Variants in CCDC93 observed in about 807,000 individuals in gnomAD.
The protein encoded by CCDC93 is coiled-coil domain-containing protein 93.
A neutral mutation model predicts 108.2 loss-of-function variants in CCDC93; 61 were observed. The ratio of observed to expected loss-of-function variants is 0.56; its 90% confidence interval spans 0.46 to 0.70. The LOEUF (loss-of-function observed/expected upper bound fraction) is 0.70. Among genes scored for constraint, CCDC93 ranks in the 30% least tolerant of loss-of-function variants. CCDC93 has a pLI of 0.00. For missense variants in CCDC93, 685 were observed against 764.2 expected (o/e 0.90, Z 1.22); for synonymous variants, 276 against 260.4 (o/e 1.06, Z -0.58).
chr2:117,990,665 G>C (rs1294827485), intron 6 of CCDC93, among the ~76,000 whole-genome samples: 1 of 150,938 alleles, frequency 6.6e-6, no homozygotes, highest in East Asian at 1.9e-4. Flanking sequence ...ACAAACTATA[G>C]TTGAACTAGT....
rs1573471493 is a variant in CCDC93 at position 117,939,028 on chromosome 2, C to A, written c.1605+1G>T. On this transcript the variant is annotated splice_donor_variant, in intron 20 of 23. Coordinates refer to ENST00000376300, the MANE Select transcript of CCDC93 (RefSeq NM_019044.5). LOFTEE classifies it high-confidence loss of function. ...CATTTTCTTTTTATAAATGTTCTTA[C>A]CTCTTTTTCCAAATAAACCTTTTTA... is the stretch of plus-strand genomic sequence containing the variant. The A allele has an allele frequency of 6.5e-7, 1 of 1,536,672 alleles. No individual in the cohort carries two copies.
chr2:117,988,118 A>G (rs1049546411), intron 6 of CCDC93, among the ~76,000 whole-genome samples: 2 of 150,518 alleles, frequency 1.3e-5, no homozygotes, highest in Non-Finnish European at 3.0e-5. Context: ...TATATCAGAT[A>G]TATATATATA....
intron 1 of CCDC93, among the ~76,000 whole-genome samples, chr2:118,013,321 C>G (rs1677070039): frequency 6.6e-6 from 1 of 152,250 alleles, no homozygotes; most frequent in Non-Finnish European, 1.5e-5. Context: ...CCCCGCCACA[C>G]AGCACCCCTG....
At chr2:117,936,339 A>T (rs548075611) in intron 21 of CCDC93, among the ~76,000 whole-genome samples, 1 of 152,350 alleles carries the variant, frequency 6.6e-6, no homozygotes, top group South Asian at 2.1e-4. Context: ...CATGAGATTT[A>T]AAAAATCTAA....
rs951836947 is a variant in CCDC93, at chr2:117,918,314, A to AT, written c.*2028dup. On this transcript the variant is annotated 3_prime_UTR_variant, in exon 24 of 24. Coordinates refer to ENST00000376300, the MANE Select transcript of CCDC93 (RefSeq NM_019044.5). ...GATTTATCCGTAGTAGGCCTTGTCG[A>AT]TAAAAAAAAAAAGGGAATAGAGATC... 9 of 151,998 alleles carry AT rather than the reference A, an allele frequency of 5.9e-5. No homozygotes were observed. The highest frequency in any genetic ancestry group is 5.9e-5 in the Non-Finnish European group (4 of 67,988). The allele number at this position is 151,998 out of a possible 1,614,324, so 9.4% of individuals were successfully genotyped here. A position where few individuals can be genotyped will look rare whatever the true frequency, so the allele number is the denominator to read the frequency against.
In CCDC93 at chr2:117,946,818, T is replaced by A; in HGVS notation, c.1289A>T (p.Asp430Val). ...CTAATTCAGAGCCTTTACCTTTTCA[T>A]CTCCACGTGGTGCTCTCTCAGCTTT... ...NLKAERAPRG[D>V]EKTLSSGEPP... Residue 430 changes from aspartate (D) to valine (V), a missense_variant, in exon 16 of 24, where the codon GAT (aspartate) becomes GTT (valine). Asp to Val is a radical substitution (Grantham distance 152). Coordinates refer to ENST00000376300, the MANE Select transcript of CCDC93 (RefSeq NM_019044.5). 6.2e-7 allele frequency: 1 copy of A among 1,611,868 alleles called. No individual in the cohort carries two copies. The highest frequency in any genetic ancestry group is 8.5e-7 in the Non-Finnish European group (1 of 1,177,860).
At chr2:117,997,269 G>A (rs762328859) in intron 4 of CCDC93, 5 of 152,184 alleles carry the variant, frequency 3.3e-5, no homozygotes, top group Non-Finnish European at 5.9e-5. Flanking sequence ...GTAAAAACCT[G>A]CAGAAGATCC....
intron 23 of CCDC93, among the ~76,000 whole-genome samples, chr2:117,921,483 C>T (rs1051499243): frequency 6.6e-6 from 1 of 152,138 alleles, no homozygotes; most frequent in Non-Finnish European, 1.5e-5. Context: ...AGGAGTCCTG[C>T]TTTTAAATTG....
At chr2:117,967,321 G>A (rs555045847) in intron 11 of CCDC93, among the ~76,000 whole-genome samples, 27 of 152,324 alleles carry the variant, frequency 1.8e-4, no homozygotes, top group African/African-American at 6.3e-4. Context: ...GACTGCATGA[G>A]ACCACATTAA....
At chr2:117,993,829 G>A (rs6730069) in intron 6 of CCDC93, among the ~76,000 whole-genome samples, 30,234 of 152,212 alleles carry the variant, frequency 0.2, 3,179 homozygotes, top group Middle Eastern at 0.31. Context: ...TGCCTTCTGG[G>A]TTCAAGCAAT....
chr2:118,011,892 G>C (rs1677029646), intron 1 of CCDC93, among the ~76,000 whole-genome samples: 1 of 152,178 alleles, frequency 6.6e-6, no homozygotes, highest in African/African-American at 2.4e-5. Flanking sequence ...AAATCAAATG[G>C]AAAAGGGCCA....
intron 12 of CCDC93, 26 bp from the exon 13 acceptor site, chr2:117,952,461 T>C (rs1394902331): frequency 2.0e-6 from 3 of 1,499,218 alleles, no homozygotes; most frequent in Non-Finnish European, 2.8e-6. Flanking sequence ...AAAAGACATA[T>C]GCTCTCATTT....
At chr2:117,954,355 AC>A (rs372586784) in intron 12 of CCDC93, among the ~76,000 whole-genome samples, 77 of 152,262 alleles carry the variant, frequency 5.1e-4, no homozygotes, top group African/African-American at 1.7e-3. Flanking sequence ...ACAAAGACTT[AC>A]CCCAGATGGA....
At chr2:118,004,663 T>C (rs1002674649) in intron 3 of CCDC93, among the ~76,000 whole-genome samples, 2 of 152,236 alleles carry the variant, frequency 1.3e-5, no homozygotes, top group Non-Finnish European at 2.9e-5. Context: ...ACCCTGTGGC[T>C]GTAACATGTC....
At chr2:117,929,978 C>A (rs1025632142) in intron 23 of CCDC93, among the ~76,000 whole-genome samples, 2 of 152,206 alleles carry the variant, frequency 1.3e-5, no homozygotes, top group Non-Finnish European at 2.9e-5. Flanking sequence ...CCCACCACAG[C>A]GTATGCTCCT....
rs939832375 is a variant in CCDC93, at chr2:117,950,973, G to C, written c.1068+1400C>G. The stretch of plus-strand genomic sequence containing the variant: ...ATGTTGGCTGCTGTTTTCATTTGAG[G>C]ATAGTCTTATTACTGACTTAAATCA... On this transcript the variant is annotated intron_variant, in intron 13 of 23. Coordinates refer to ENST00000376300, the MANE Select transcript of CCDC93 (RefSeq NM_019044.5). 3.0e-6 allele frequency: 3 copies of C among 985,312 alleles called. No individual in the cohort carries two copies. In the South Asian group the frequency reaches 1.4e-4, roughly 46 times the overall value. The allele number at this position is 985,312 out of a possible 1,614,324, so 61.0% of individuals were successfully genotyped here.
Position 117,997,048 on chromosome 2 carries a change from GC to G in CCDC93, c.364-687del, listed in dbSNP as rs551309742. ...TATATAACTTACTCATGGATCCATA[GC>G]TAGCCAGCTGCAAAGCTGGGAGTCA... is the stretch of plus-strand genomic sequence containing the variant. On this transcript the variant is annotated intron_variant, in intron 4 of 23. Transcript: ENST00000376300. The G allele has an allele frequency of 1.1e-3, 171 of 152,330 alleles. 1 individual carries two copies. The highest frequency in any genetic ancestry group is 3.9e-3 in the African/African-American group (163 of 41,570). The allele number at this position is 152,330 out of a possible 1,614,324, so 9.4% of individuals were successfully genotyped here.
At chr2:117,931,993 G>A (rs898775714) in intron 22 of CCDC93, among the ~76,000 whole-genome samples, 25 of 152,222 alleles carry the variant, frequency 1.6e-4, no homozygotes, top group African/African-American at 6.0e-4. Context: ...CTGACAAACA[G>A]ACACACAAAA....
chr2:118,010,332 T>C (rs1305482817), intron 1 of CCDC93, among the ~76,000 whole-genome samples: 2 of 152,180 alleles, frequency 1.3e-5, no homozygotes, highest in Non-Finnish European at 2.9e-5. Flanking sequence ...CTTAAATCCA[T>C]CTAAATATTC....
Sources: allele counts gnomAD v4.1 joint callset (sites outside exome capture counted in the v4.1 genomes callset), GRCh38; gene constraint gnomAD v4.1.1; transcripts MANE v1.5; gene names NCBI Gene and HGNC (gene_info 2026-07-23, HGNC 2026-07-21).